The following LSAMP variants were observed in gnomAD, a reference collection of about 807,000 sequenced individuals.
LSAMP encodes the protein limbic system associated membrane protein.
In LSAMP, 7 loss-of-function variants were observed where a neutral mutation model predicts 38.6. The observed-to-expected ratio is 0.18, with a 90% CI of 0.10 to 0.34. The LOEUF (loss-of-function observed/expected upper bound fraction) is 0.34, where lower values mean the gene tolerates loss of function less well. LSAMP is among the 10% of genes least tolerant of loss of function. The probability of loss-of-function intolerance (pLI) is 1.00; values close to 1 mark genes in which losing one functional copy is unlikely to be tolerated. For missense variants in LSAMP, 313 were observed against 420.0 expected (o/e 0.75, Z 2.23); for synonymous variants, 154 against 166.8 (o/e 0.92, Z 0.59).
chr3:115,928,969 G>GTTTTTTTTTTTTTTTT (rs1033194537), intron 3 of LSAMP, among the ~76,000 whole-genome samples: 2 of 53,570 alleles, frequency 3.7e-5, no homozygotes, highest in African/African-American at 1.1e-4. Flanking sequence ...CAGGTTTTTT[G>GTTTTTTTTTTTTTTTT]TTTGTTTTTT....
chr3:116,001,679 G>T (rs1939997136), intron 3 of LSAMP, among the ~76,000 whole-genome samples: 1 of 152,114 alleles, frequency 6.6e-6, no homozygotes, highest in Non-Finnish European at 1.5e-5. Flanking sequence ...CTTGGCTGTG[G>T]CCGCCTTCTC....
chr3:116,005,257 T>C (rs1940122857), intron 3 of LSAMP, among the ~76,000 whole-genome samples: 1 of 152,144 alleles, frequency 6.6e-6, no homozygotes, highest in Non-Finnish European at 1.5e-5. Flanking sequence ...AGGTACCACC[T>C]CAGGCAACTG....
At chr3:116,274,345 T>C (rs2047018878) in intron 1 of LSAMP, among the ~76,000 whole-genome samples, 4 of 152,328 alleles carry the variant, frequency 2.6e-5, no homozygotes, top group Middle Eastern at 3.4e-3. Flanking sequence ...ACGGGAGCTC[T>C]CCAGAGTTGG....
At chr3:116,050,711 A>T (rs942056375) in intron 2 of LSAMP, among the ~76,000 whole-genome samples, 1 of 152,194 alleles carries the variant, frequency 6.6e-6, no homozygotes, top group African/African-American at 2.4e-5. Context: ...AAAGGTTTGG[A>T]GTCAGCTTTG....
chr3:115,826,232 A>G (rs1259252526), intron 6 of LSAMP, among the ~76,000 whole-genome samples: 1 of 152,052 alleles, frequency 6.6e-6, no homozygotes, highest in Non-Finnish European at 1.5e-5. Context: ...CTCTTGCCTC[A>G]GCCTCCTGAG....
intron 3 of LSAMP, among the ~76,000 whole-genome samples, chr3:115,907,055 T>TG (rs1210373232): frequency 1.3e-5 from 2 of 152,162 alleles, no homozygotes; most frequent in African/African-American, 2.4e-5. Context: ...ACCAGTCAGT[T>TG]GGTTTTCCAT....
intron 3 of LSAMP, among the ~76,000 whole-genome samples, chr3:115,934,138 T>C (rs1252951762): frequency 1.3e-5 from 2 of 151,920 alleles, no homozygotes; most frequent in African/African-American, 2.4e-5. Context: ...CTCAAATGTA[T>C]AGTTGATGTG....
At chr3:116,439,319 GT>G (rs386397696) in intron 1 of LSAMP, among the ~76,000 whole-genome samples, 33 of 147,902 alleles carry the variant, frequency 2.2e-4, no homozygotes, top group Admixed American at 1.5e-3. Flanking sequence ...AGATTTTGTT[GT>G]TTTTTTTTTT....
intron 1 of LSAMP, among the ~76,000 whole-genome samples, chr3:116,315,866 G>T (rs1445285114): frequency 1.3e-5 from 2 of 152,136 alleles, no homozygotes; most frequent in African/African-American, 4.8e-5. Flanking sequence ...TGTCCTGGAT[G>T]TACTGTCTTT....
At chr3:115,850,961 A>ATCTCTC (rs111466687) in intron 4 of LSAMP, among the ~76,000 whole-genome samples, 117 of 150,820 alleles carry the variant, frequency 7.8e-4, no homozygotes, top group Middle Eastern at 3.4e-3. Flanking sequence ...ACAAATATAA[A>ATCTCTC]TCTCTCTCTC....
At chr3:115,859,594 A>G (rs897765206) in intron 3 of LSAMP, among the ~76,000 whole-genome samples, 1 of 152,224 alleles carries the variant, frequency 6.6e-6, no homozygotes, top group Non-Finnish European at 1.5e-5. Context: ...TGCCTTCTGC[A>G]ACCCCAAAGG....
chr3:116,262,968 A>G (rs757486299), intron 1 of LSAMP, among the ~76,000 whole-genome samples: 29 of 152,284 alleles, frequency 1.9e-4, no homozygotes, highest in African/African-American at 1.9e-4. Context: ...AGAAGGTTAA[A>G]AAATCTTAAT....
At chr3:116,209,400 C>T (rs2046121862) in intron 1 of LSAMP, among the ~76,000 whole-genome samples, 1 of 152,214 alleles carries the variant, frequency 6.6e-6, no homozygotes, top group South Asian at 2.1e-4. Context: ...GGAGCTGTTC[C>T]TGTTCAGCCA....
chr3:115,872,681 T>C (rs1936076303), intron 3 of LSAMP, among the ~76,000 whole-genome samples: 1 of 152,190 alleles, frequency 6.6e-6, no homozygotes, highest in South Asian at 2.1e-4. Flanking sequence ...GTGAAAACTA[T>C]GTGCTAAGAA....
chr3:116,276,122 T>G (rs1340671542), intron 1 of LSAMP, among the ~76,000 whole-genome samples: 1 of 152,220 alleles, frequency 6.6e-6, no homozygotes, highest in Non-Finnish European at 1.5e-5. Context: ...TGTTTCTTTA[T>G]ATTCTAATTG....
chr3:116,061,907 T>A (rs923513545), intron 2 of LSAMP, among the ~76,000 whole-genome samples: 2 of 152,176 alleles, frequency 1.3e-5, no homozygotes, highest in Non-Finnish European at 1.5e-5. Context: ...TTATTGCTAT[T>A]TCCATAATCT....
chr3:116,370,823 A>T (rs2048421262), intron 1 of LSAMP, among the ~76,000 whole-genome samples: 2 of 152,180 alleles, frequency 1.3e-5, no homozygotes, highest in African/African-American at 4.8e-5. Context: ...AACATTGACA[A>T]ACTTTAGCTA....
intron 1 of LSAMP, among the ~76,000 whole-genome samples, chr3:116,113,629 T>G (rs1315037961): frequency 1.3e-5 from 2 of 151,222 alleles, no homozygotes; most frequent in East Asian, 3.9e-4. Flanking sequence ...GTTTCACTGT[T>G]TTAGCCAGGA....
At chr3:116,340,982 G>T (rs1281277608) in intron 1 of LSAMP, among the ~76,000 whole-genome samples, 2 of 151,882 alleles carry the variant, frequency 1.3e-5, no homozygotes, top group African/African-American at 2.4e-5. Context: ...CCCTATAAAA[G>T]AAGTTGATAC....
Sources: gnomAD v4.1 joint callset for allele counts (sites outside exome capture counted in the v4.1 genomes callset) on GRCh38, gnomAD v4.1.1 for gene constraint, MANE v1.5 for transcripts, NCBI Gene and HGNC (gene_info 2026-07-23, HGNC 2026-07-21) for gene names.